MFNG: variants seen among roughly 807,000 people sequenced by gnomAD.
The protein encoded by MFNG is beta-1,3-N-acetylglucosaminyltransferase manic fringe.
A neutral mutation model predicts 34.2 loss-of-function variants in MFNG; 24 were observed. The ratio of observed to expected loss-of-function variants is 0.70; its 90% CI spans 0.51 to 0.99. The LOEUF is 0.99. Among genes scored for constraint, MFNG ranks in the 50% least tolerant of loss-of-function variants. The pLI is 0.00. For synonymous variants in MFNG, 158 were observed against 179.2 expected, an observed-to-expected ratio of 0.88 and a Z score of 0.94; for missense variants, 383 against 424.0, an observed-to-expected ratio of 0.90 and a Z score of 0.85.
At position 37,476,932 on chromosome 22, in the gene MFNG, T is replaced by C. The variant is rs139241915; in HGVS notation, c.611A>G (p.Asn204Ser). Residue 204 changes from asparagine to serine, a missense_variant, in exon 5 of 8, where the codon AAT (asparagine) becomes AGT (serine). By Grantham distance (46) the Asn-to-Ser change is conservative (BLOSUM62 1). Coordinates refer to ENST00000356998, the MANE Select transcript of MFNG (RefSeq NM_002405.4). The stretch of plus-strand genomic sequence containing the variant: ...AGCCATCTTCAAAGCCAGTTTGCGA[T>C]TGATGCAGAAGCCAGCACCCCCAGT... ...FATGGAGFCI[N>S]RKLALKMAPW... The C allele has an allele frequency of 1.5e-5, 25 of 1,613,914 alleles. No individual in the cohort carries two copies. Among genetic ancestry groups the C allele is most frequent in the East Asian group, 1.3e-4 (6 of 44,864 alleles).
In MFNG at chr22:37,486,234, G is replaced by A; in HGVS notation, c.-57C>T. ...CCCCAAATCCCAACCAGACAGGGAG[G>A]GGAAGCTGGTCAGGCAGGGGCTCCA... On this transcript the variant is annotated 5_prime_UTR_variant, in exon 1 of 8. Transcript: ENST00000356998. 2.7e-6 allele frequency: 4 copies of A among 1,458,006 alleles called. No individual in the cohort carries two copies. Among genetic ancestry groups the A allele is most frequent in the Non-Finnish European group, 3.6e-6 (4 of 1,106,346 alleles). The allele number at this position is 1,458,006 out of a possible 1,614,324, so 90.3% of individuals were successfully genotyped here.
chr22:37,475,887 G>A (rs1164647434), intron 5 of MFNG, among the ~76,000 whole-genome samples: 14 of 152,236 alleles, frequency 9.2e-5, no homozygotes. Context: ...CATGCCCCAG[G>A]ACAATGAGCC....
chr22:37,480,184 C>T lies in MFNG; in HGVS notation c.407+13G>A, dbSNP rs531896798. On this transcript the variant is annotated intron_variant, in intron 3 of 7. Coordinates refer to ENST00000356998, the MANE Select transcript of MFNG (RefSeq NM_002405.4). ...CAGACCACACTTATCCCCAGAGACC[C>T]AGGAACACTCGCCTAAGCCCACTGG... 5.0e-6 allele frequency: 8 copies of T among 1,595,814 alleles called. No individual in the cohort carries two copies. Among genetic ancestry groups the T allele is most frequent in the East Asian group, 4.5e-5 (2 of 44,326 alleles).
rs756204298 is a variant in MFNG at position 37,486,046 on chromosome 22, C to T, written c.132G>A (p.Pro44=). 1.9e-5 allele frequency: 31 copies of T among 1,613,930 alleles called. No homozygotes were observed. The highest frequency in any genetic ancestry group is 8.9e-5 in the East Asian group (4 of 44,858). Residue 44 remains proline (P), a synonymous_variant, in exon 1 of 8, where the codon CCG becomes CCA. Coordinates refer to ENST00000356998, the MANE Select transcript of MFNG (RefSeq NM_002405.4). ...GCTGTAGCTTAGGGGGCCCCGGGTT[C>T]GGCTGGCTCAGCTCGGGGGTCCCTT... is the stretch of plus-strand genomic sequence containing the variant. The part of the protein sequence containing the change: ...RVQGTPELSQ[P]NPGPPKLQLH...
chr22:37,484,742 G>A (rs1922463232), intron 1 of MFNG: 2 of 152,422 alleles, frequency 1.3e-5, no homozygotes, highest in Non-Finnish European at 2.9e-5. Flanking sequence ...ATCTCCCCAA[G>A]ATGAGAAGCC....
Position 37,485,538 on chromosome 22 carries a change from C to T in MFNG, c.255+385G>A, listed in dbSNP as rs1311813039. 6.6e-6 allele frequency among the ~76,000 whole-genome samples: 1 copy of T among 152,218 alleles called. No individual in the cohort carries two copies. Among genetic ancestry groups the T allele is most frequent in the Non-Finnish European group, 1.5e-5 (1 of 68,028 alleles). Reference sequence around the variant, plus strand: ...GGTCAGGACCTCTTGGAGGCCTCCACCCCAGCTGCCCAACACCCACCATTA... The same window carrying T: ...GGTCAGGACCTCTTGGAGGCCTCCATCCCAGCTGCCCAACACCCACCATTA... On this transcript the variant is annotated intron_variant, in intron 1 of 7. Coordinates refer to ENST00000356998, the MANE Select transcript of MFNG (RefSeq NM_002405.4). This position sits in a 1 kb window ranked among gnomAD's most constrained non-coding sequence, Gnocchi z 5.3.
rs1052305542 is a variant in MFNG, at chr22:37,485,944, C to A, written c.234G>T (p.Trp78Cys). The part of the protein sequence containing the change: ...RLRLELLLDT[W>C]VSRTREQTFV... ...TCACCTGTTCCCTGGTCCTGGAAAC[C>A]CACGTGTCAAGCAGCAGCTCCAGGC... Residue 78 changes from tryptophan to cysteine, a missense_variant, in exon 1 of 8, where the codon TGG (tryptophan) becomes TGT (cysteine). Coordinates refer to ENST00000356998, the MANE Select transcript of MFNG (RefSeq NM_002405.4). This position sits in a 1 kb window ranked among gnomAD's most constrained non-coding sequence, Gnocchi z 5.3. 72 of 1,613,422 alleles carry A rather than the reference C, an allele frequency of 4.5e-5. No individual in the cohort carries two copies. Among genetic ancestry groups the A allele is most frequent in the Non-Finnish European group, 5.8e-5 (68 of 1,179,678 alleles).
chr22:37,485,922 C>G lies in MFNG; in HGVS notation c.255+1G>C. The stretch of plus-strand genomic sequence containing the variant: ...AGGGCCCAATGTCACCCACTTGTCA[C>G]CTGTTCCCTGGTCCTGGAAACCCAC... On this transcript the variant is annotated splice_donor_variant, in intron 1 of 7. Coordinates refer to ENST00000356998, the MANE Select transcript of MFNG (RefSeq NM_002405.4). LOFTEE classifies it high-confidence loss of function. This position sits in a 1 kb window ranked among gnomAD's most constrained non-coding sequence, Gnocchi z 5.3. 6.2e-7 allele frequency: 1 copy of G among 1,612,082 alleles called. No homozygotes were observed. Among genetic ancestry groups the G allele is most frequent in the Non-Finnish European group, 8.5e-7 (1 of 1,178,788 alleles).
At chr22:37,472,407 A>C in intron 7 of MFNG, 36 bp downstream of exon 7, 2 of 1,497,156 alleles carry the variant, frequency 1.3e-6, no homozygotes, top group Non-Finnish European at 1.8e-6. Flanking sequence ...CTCAGCCCCC[A>C]CTCCTCCCAT....
chr22:37,479,572 C>A, intron 3 of MFNG, 74 bp from the exon 4 acceptor site: 1 of 1,574,202 alleles, frequency 6.4e-7, no homozygotes, highest in South Asian at 1.1e-5. Flanking sequence ...CCCCCACAGT[C>A]GGTCAACAGT....
chr22:37,480,884 C>T, intron 1 of MFNG, 115 bp from the exon 2 acceptor site: 1 of 862,478 alleles, frequency 1.2e-6, no homozygotes, highest in Middle Eastern at 2.2e-4. Flanking sequence ...CAGTGACAGA[C>T]ACACCCCTCT....
Position 37,469,797 on chromosome 22 carries a change from G to A in MFNG, c.*166C>T. The stretch of plus-strand genomic sequence containing the variant: ...CTAACTCACCTCCCAGGGGCCTGGG[G>A]TGCCTTCAGTGCCAATTGCCACTCA... On this transcript the variant is annotated 3_prime_UTR_variant, in exon 8 of 8. Coordinates refer to ENST00000356998, the MANE Select transcript of MFNG (RefSeq NM_002405.4). 2 of 713,000 alleles carry A rather than the reference G, an allele frequency of 2.8e-6. No homozygotes were observed. Among genetic ancestry groups the A allele is most frequent in the South Asian group, 3.0e-5 (2 of 66,764 alleles). 44.2% of individuals were successfully genotyped at this position (713,000 alleles called of 1,614,324 possible). A position where few individuals can be genotyped will look rare whatever the true frequency, so the allele number is the denominator to read the frequency against.
chr22:37,474,650 A>G lies in MFNG; in HGVS notation c.675T>C (p.Ala225=). Residue 225 remains alanine (A), a synonymous_variant, in exon 6 of 8, where the codon GCT becomes GCC. Transcript: ENST00000356998. The part of the protein sequence containing the change: ...ASGSRFMDTS[A]LIRLPDDCTM... Reference sequence around the variant, plus strand: ...TGCAGTCATCAGGCAGCCGGATGAGAGCAGATGTGTCCATGAAACGGGAGC... The same window carrying G: ...TGCAGTCATCAGGCAGCCGGATGAGGGCAGATGTGTCCATGAAACGGGAGC... The G allele has an allele frequency of 6.2e-7, 1 of 1,610,580 alleles. No homozygotes were observed. The highest frequency in any genetic ancestry group is 8.5e-7 in the Non-Finnish European group (1 of 1,177,912).
In MFNG at chr22:37,474,390, T is replaced by C. The variant is rs74843767; in HGVS notation, c.813+122A>G. The C allele has an allele frequency of 1.6e-3, 1,864 of 1,178,042 alleles. 20 individuals are homozygous for C. In the African/African-American group the frequency reaches 0.022, roughly 14 times the overall value. 73.0% of individuals were successfully genotyped at this position (1,178,042 alleles called of 1,614,324 possible). A position where few individuals can be genotyped will look rare whatever the true frequency, so the allele number is the denominator to read the frequency against. On this transcript the variant is annotated intron_variant, in intron 6 of 7. Transcript: ENST00000356998. ...CCTCAGTTTCCCCATCAATAGGGAA[T>C]ACCCAAGACCCATAATCTGGAGTTC...
intron 5 of MFNG, among the ~76,000 whole-genome samples, chr22:37,475,173 C>A (rs763082569): frequency 2.6e-5 from 4 of 152,058 alleles, no homozygotes; most frequent in South Asian, 4.1e-4. Flanking sequence ...GAGAATCAGG[C>A]GGGCTTTCCA....
Position 37,469,602 on chromosome 22 carries a change from C to A in MFNG, c.*361G>T. On this transcript the variant is annotated 3_prime_UTR_variant, in exon 8 of 8. Coordinates refer to ENST00000356998, the MANE Select transcript of MFNG (RefSeq NM_002405.4). The stretch of plus-strand genomic sequence containing the variant: ...AATGACTGAGAGACATTAGCCAGGG[C>A]CAACGGCCAGACCCCACCCAGAGGC... 5 of 375,318 alleles carry A rather than the reference C, an allele frequency of 1.3e-5. No individual in the cohort carries two copies. The highest frequency in any genetic ancestry group is 2.6e-5 in the Non-Finnish European group (5 of 193,308). The allele number at this position is 375,318 out of a possible 1,614,324, so 23.2% of individuals were successfully genotyped here.
chr22:37,480,422 C>T (rs962655309), intron 2 of MFNG, 123 bp from the exon 3 acceptor site: 1 of 772,350 alleles, frequency 1.3e-6, no homozygotes. Context: ...TCCCATTTTA[C>T]ACATGGTAGG....
intron 6 of MFNG, among the ~76,000 whole-genome samples, chr22:37,473,723 G>A (rs1243432309): frequency 6.6e-6 from 1 of 152,216 alleles, no homozygotes; most frequent in Non-Finnish European, 1.5e-5. Flanking sequence ...CGATAGTGGG[G>A]GGAAAGCTGG....
rs1922370065 is a variant in MFNG, at chr22:37,482,956, G to A, written c.256-2187C>T. Among the ~76,000 whole-genome samples the A allele has an allele frequency of 6.6e-6, 1 of 152,156 alleles. No individual in the cohort carries two copies. Among genetic ancestry groups the A allele is most frequent in the Non-Finnish European group, 1.5e-5 (1 of 68,026 alleles). ...GTCAGTGACGCCATGCAGCCTCTCA[G>A]CTTTAAACACCATCAGGGAGCTGGA... On this transcript the variant is annotated intron_variant, in intron 1 of 7. Coordinates refer to ENST00000356998, the MANE Select transcript of MFNG (RefSeq NM_002405.4). This position sits in a 1 kb window ranked among gnomAD's most constrained non-coding sequence, Gnocchi z 4.1.
Sources: gnomAD v4.1 joint callset for allele counts (sites outside exome capture counted in the v4.1 genomes callset) on GRCh38, gnomAD v4.1.1 for gene constraint, Gnocchi (gnomAD v3.1) non-coding constraint, MANE v1.5 for transcripts, NCBI Gene and HGNC (gene_info 2026-07-23, HGNC 2026-07-21) for gene names.